Variants in NEGR1 observed in about 807,000 individuals in gnomAD.
The protein encoded by NEGR1 is IgLON family member 4.
NEGR1 carries 10 observed loss-of-function variants against 40.9 expected under a neutral mutation model. The observed-to-expected ratio is 0.24, with a 90% CI of 0.15 to 0.42. The LOEUF is 0.42. Ranked by LOEUF, NEGR1 falls within the 10% of genes least tolerant of loss-of-function variation. The probability of loss-of-function intolerance (pLI) is 1.00; values close to 1 mark genes in which losing one functional copy is unlikely to be tolerated. For missense variants in NEGR1, 352 were observed against 438.9 expected (o/e 0.80, Z 1.77); for synonymous variants, 185 against 166.8 (o/e 1.11, Z -0.84).
At position 72,112,848 on chromosome 1, in the gene NEGR1, T is replaced by TG. The variant is rs150942810; in HGVS notation, c.176+169470dup. The stretch of plus-strand genomic sequence containing the variant: ...CTGGGCGCTCCCCTGACATGGGTTT[T>TG]GGGGGAGGAATTTGGTGTTTTGCAA... On this transcript the variant is annotated intron_variant, in intron 1 of 6. Transcript: ENST00000357731. Among the ~76,000 whole-genome samples, 1,148 of 151,722 alleles carry TG rather than the reference T, an allele frequency of 7.6e-3. 17 individuals carry two copies. Among genetic ancestry groups the TG allele is most frequent in the African/African-American group, 0.027 (1,102 of 41,438 alleles).
intron 2 of NEGR1, among the ~76,000 whole-genome samples, chr1:71,917,912 C>A (rs1661635699): frequency 6.6e-6 from 1 of 150,804 alleles, no homozygotes; most frequent in Admixed American, 6.6e-5. Flanking sequence ...TGCTCTACTG[C>A]AACGTTAAAA....
At chr1:72,066,990 A>C (rs1647291460) in intron 1 of NEGR1, among the ~76,000 whole-genome samples, 1 of 152,050 alleles carries the variant, frequency 6.6e-6, no homozygotes. Context: ...TTTTGCCATA[A>C]AATTTTTGCC....
chr1:71,647,209 C>A (rs1189518399), intron 4 of NEGR1, among the ~76,000 whole-genome samples: 1 of 151,764 alleles, frequency 6.6e-6, no homozygotes, highest in African/African-American at 2.4e-5. Context: ...AGGAAAGTTT[C>A]ATTTCTCACC....
intron 1 of NEGR1, among the ~76,000 whole-genome samples, chr1:72,080,721 T>C (rs539191524): frequency 8.6e-5 from 13 of 152,042 alleles, no homozygotes; most frequent in Non-Finnish European, 1.6e-4. Context: ...AAATAAAAAT[T>C]ATAAGAGAAA....
At chr1:71,418,885 T>C (rs1010540482) in intron 6 of NEGR1, among the ~76,000 whole-genome samples, 3 of 152,220 alleles carry the variant, frequency 2.0e-5, no homozygotes, top group Admixed American at 6.5e-5. Flanking sequence ...AAGGGCTTAA[T>C]AAATAATTAC....
chr1:71,925,535 A>G (rs1645764416), intron 2 of NEGR1, among the ~76,000 whole-genome samples: 1 of 152,176 alleles, frequency 6.6e-6, no homozygotes, highest in Non-Finnish European at 1.5e-5. Context: ...GGTGCTACAT[A>G]TGATTAATCC....
intron 6 of NEGR1, among the ~76,000 whole-genome samples, chr1:71,524,377 A>G (rs1256526818): frequency 1.3e-5 from 2 of 150,584 alleles, no homozygotes; most frequent in Non-Finnish European, 3.0e-5. Flanking sequence ...ATTTGATAAA[A>G]TATTGTAAAA....
chr1:71,859,089 C>T (rs1323764973), intron 2 of NEGR1, among the ~76,000 whole-genome samples: 1 of 152,050 alleles, frequency 6.6e-6, no homozygotes, highest in Non-Finnish European at 1.5e-5. Flanking sequence ...TCCAATGGCT[C>T]CCCAATTCAC....
chr1:72,014,274 T>G (rs1646688413), intron 1 of NEGR1, among the ~76,000 whole-genome samples: 1 of 152,008 alleles, frequency 6.6e-6, no homozygotes, highest in Non-Finnish European at 1.5e-5. Context: ...ATTTAGAAAT[T>G]ATCATACTCT....
At chr1:71,984,723 A>C (rs1646380723) in intron 1 of NEGR1, among the ~76,000 whole-genome samples, 1 of 152,176 alleles carries the variant, frequency 6.6e-6, no homozygotes, top group South Asian at 2.1e-4. Context: ...AAGTAAGACT[A>C]CAGTAAATAT....
intron 2 of NEGR1, among the ~76,000 whole-genome samples, chr1:71,783,552 A>G (rs921425210): frequency 3.3e-5 from 5 of 152,152 alleles, no homozygotes; most frequent in Non-Finnish European, 4.4e-5. Context: ...AGATAGTGAT[A>G]ACAGGAAAAA....
intron 1 of NEGR1, among the ~76,000 whole-genome samples, chr1:72,086,276 G>T (rs557137594): frequency 6.6e-6 from 1 of 152,272 alleles, no homozygotes; most frequent in African/African-American, 2.4e-5. Context: ...GGTTTCTGTG[G>T]ATGAGCACAA....
At chr1:72,248,575 T>TTTATTTATTATTATTA (rs1553153653) in intron 1 of NEGR1, among the ~76,000 whole-genome samples, 1 of 132,962 alleles carries the variant, frequency 7.5e-6, no homozygotes, top group African/African-American at 2.8e-5. Flanking sequence ...TCTATTTTTA[T>TTTATTTATTATTATTA]TTATTATTAT....
intron 6 of NEGR1, among the ~76,000 whole-genome samples, chr1:71,412,093 A>G (rs1310991342): frequency 6.6e-6 from 1 of 152,116 alleles, no homozygotes; most frequent in African/African-American, 2.4e-5. Context: ...GGATTCAAGT[A>G]TTCCCCATTG....
intron 6 of NEGR1, among the ~76,000 whole-genome samples, chr1:71,557,745 A>T (rs1412648189): frequency 2.0e-5 from 3 of 151,646 alleles, no homozygotes; most frequent in Admixed American, 6.6e-5. Context: ...AATTTTCAAT[A>T]CTAAGAAATT....
At chr1:71,823,891 C>T (rs1658524489) in intron 2 of NEGR1, among the ~76,000 whole-genome samples, 1 of 151,978 alleles carries the variant, frequency 6.6e-6, no homozygotes, top group Non-Finnish European at 1.5e-5. Flanking sequence ...TAAGTTATTG[C>T]TGGCATTTTT....
chr1:72,079,384 G>A (rs758912272), intron 1 of NEGR1, among the ~76,000 whole-genome samples: 5 of 151,824 alleles, frequency 3.3e-5, no homozygotes, highest in African/African-American at 9.6e-5. Context: ...CACTTAAGTC[G>A]TTGTTCCAGT....
At chr1:71,844,867 C>T (rs1659353955) in intron 2 of NEGR1, among the ~76,000 whole-genome samples, 1 of 152,150 alleles carries the variant, frequency 6.6e-6, no homozygotes, top group African/African-American at 2.4e-5. Flanking sequence ...CCTAGACATC[C>T]TGGTGGACAT....
intron 6 of NEGR1, among the ~76,000 whole-genome samples, chr1:71,530,878 C>G (rs1647336694): frequency 6.6e-6 from 1 of 151,106 alleles, no homozygotes; most frequent in Non-Finnish European, 1.5e-5. Flanking sequence ...ATCTGGGTGT[C>G]ATGAGGAGGT....
Sources: allele counts gnomAD v4.1 joint callset (sites outside exome capture counted in the v4.1 genomes callset), GRCh38; gene constraint gnomAD v4.1.1; transcripts MANE v1.5; gene names NCBI Gene and HGNC (gene_info 2026-07-23, HGNC 2026-07-21).